The following SBF1 variants were observed in gnomAD, a reference collection of about 807,000 sequenced individuals.
SBF1 encodes the protein SET binding factor 1, also known as myotubularin-related protein 5.
SBF1 carries 65 observed loss-of-function variants against 215.8 expected under a neutral mutation model. That is an observed-to-expected ratio of 0.30 (90% confidence interval 0.25 to 0.37). The LOEUF (loss-of-function observed/expected upper bound fraction) is 0.37. Ranked by LOEUF, SBF1 falls within the 10% of genes least tolerant of loss-of-function variation. SBF1 has a pLI of 1.00. For synonymous variants in SBF1, 1,410 were observed against 1,122.8 expected (o/e 1.26, Z -5.11); for missense variants, 2,634 against 2,667.8 (o/e 0.99, Z 0.28).
intron 36 of SBF1, among the ~76,000 whole-genome samples, chr22:50,449,882 G>A (rs1429235542): frequency 4.6e-5 from 7 of 152,208 alleles, no homozygotes; most frequent in African/African-American, 1.2e-4. Context: ...AGGGGAAGCC[G>A]TTGTTTCCAG....
chr22:50,474,384 G>A (rs1465567451), intron 1 of SBF1, among the ~76,000 whole-genome samples: 4 of 152,228 alleles, frequency 2.6e-5, no homozygotes, highest in Non-Finnish European at 4.4e-5. Flanking sequence ...GGAGCCACTA[G>A]AGCCACAGCC....
At position 50,467,356 on chromosome 22, in the gene SBF1, G is replaced by A; in HGVS notation, c.531C>T (p.Pro177=). 2 of 1,614,086 alleles carry A rather than the reference G, an allele frequency of 1.2e-6. No individual in the cohort carries two copies. Among genetic ancestry groups the A allele is most frequent in the Non-Finnish European group, 1.7e-6 (2 of 1,179,984 alleles). ...AACTCACCTGCGAGCCCCCAGCCAG[G>A]GGCACAGTGCACGTCAGCAGGTTCC... The part of the protein sequence containing the change: ...VIGNLLTCTV[P]LAGGSQRTIS... Residue 177 remains proline (P), a synonymous_variant, in exon 5 of 41, where the codon CCC becomes CCT. Coordinates refer to ENST00000380817, the MANE Select transcript of SBF1 (RefSeq NM_002972.4).
chr22:50,459,768 A>G, intron 26 of SBF1, 102 bp from the exon 27 acceptor site: 1 of 1,370,574 alleles, frequency 7.3e-7, no homozygotes, highest in South Asian at 1.4e-5. Context: ...TCCCAGCAGG[A>G]GGCGCTTCCA....
Position 50,474,924 on chromosome 22 carries a change from C to T in SBF1, c.-84G>A. ...AGGACGGCGCGCTCATGGCCCGGCCCCGGCCCTGGACCGCGCACCCCGGAC... is the reference window on the plus strand; with the variant it reads ...AGGACGGCGCGCTCATGGCCCGGCCTCGGCCCTGGACCGCGCACCCCGGAC... On this transcript the variant is annotated 5_prime_UTR_variant, in exon 1 of 41. Transcript: ENST00000380817. The T allele has an allele frequency of 1.9e-6, 2 of 1,070,836 alleles. No homozygotes were observed. The highest frequency in any genetic ancestry group is 4.0e-5 in the South Asian group (2 of 49,966). 66.3% of individuals were successfully genotyped at this position (1,070,836 alleles called of 1,614,324 possible).
Position 50,448,276 on chromosome 22 carries a change from T to A in SBF1, c.5320A>T (p.Ser1774Cys). Residue 1774 changes from serine (S) to cysteine (C), a missense_variant, in exon 38 of 41, where the codon AGC becomes TGC. Coordinates refer to ENST00000380817, the MANE Select transcript of SBF1 (RefSeq NM_002972.4). ...GSRQAARRST[S>C]TLYSQFQTAE... ...GTCTGGAACTGGCTGTACAGGGTGC[T>A]GGTGCTGCGGCGGGCAGCCTGACGG... 1 of 1,613,208 alleles carries A rather than the reference T, an allele frequency of 6.2e-7. No individual in the cohort carries two copies. The highest frequency in any genetic ancestry group is 8.5e-7 in the Non-Finnish European group (1 of 1,179,976).
chr22:50,473,503 C>G (rs918094201), intron 1 of SBF1, among the ~76,000 whole-genome samples: 2 of 152,180 alleles, frequency 1.3e-5, no homozygotes, highest in African/African-American at 4.8e-5. Flanking sequence ...ATGCTCATGA[C>G]TGACGGTGCC....
At chr22:50,468,049 G>C (rs2067849195) in intron 2 of SBF1, 126 bp from the exon 3 acceptor site, 4 of 1,222,724 alleles carry the variant, frequency 3.3e-6, no homozygotes, top group Middle Eastern at 2.1e-4. Flanking sequence ...CTTGCTTGGA[G>C]ACCCTGGGGA....
intron 2 of SBF1, 40 bp downstream of exon 2, chr22:50,468,323 GCCCACCTGCCCTC>G (rs2067865222): frequency 3.3e-6 from 5 of 1,515,338 alleles, no homozygotes; most frequent in South Asian, 1.1e-5. Context: ...GCAGGGCTGT[GCCCACCTGCCCTC>G]CCCACCTGCC....
At chr22:50,465,924 GC>G in intron 9 of SBF1, 36 bp downstream of exon 9, 1 of 1,609,710 alleles carries the variant, frequency 6.2e-7, no homozygotes, top group South Asian at 1.1e-5. Flanking sequence ...CATCCCAAAG[GC>G]CCCCAAGGCT....
At chr22:50,453,586 G>C (rs570448582) in intron 36 of SBF1, among the ~76,000 whole-genome samples, 39 of 152,166 alleles carry the variant, frequency 2.6e-4, no homozygotes, top group Non-Finnish European at 5.1e-4. Context: ...AGGAGATCGA[G>C]ACCATCCTGG....
At chr22:50,465,555 C>A (rs1248422332) in intron 10 of SBF1, among the ~76,000 whole-genome samples, 2 of 152,252 alleles carry the variant, frequency 1.3e-5, no homozygotes, top group African/African-American at 2.4e-5. Flanking sequence ...CAAGTTCCAG[C>A]CCCTTGCTGG....
rs368027327 is a variant in SBF1 at position 50,466,417 on chromosome 22, G to C, written c.721C>G (p.Arg241Gly). The C allele has an allele frequency of 6.4e-7, 1 of 1,552,896 alleles. No homozygotes were observed. The highest frequency in any genetic ancestry group is 2.4e-5 in the East Asian group (1 of 41,000). The change falls in exon 7 of 41, where the codon CGG becomes GGG. Residue 241 changes from arginine (R) to glycine (G), a missense_variant. Physicochemically the swap from Arg to Gly is moderately radical, Grantham distance 125 (BLOSUM62 -2). Coordinates refer to ENST00000380817, the MANE Select transcript of SBF1 (RefSeq NM_002972.4). ...GCATCGGCGAGCCGCTGGTAGCTCC[G>C]GGACAGGAAGAGAACCTTGTGCTCC... ...LTEHKVLFLSRSYQRLADACR... is the reference protein window; with the variant it reads ...LTEHKVLFLSGSYQRLADACR...
At chr22:50,466,929 G>A in intron 5 of SBF1, 1 of 565,188 alleles carries the variant, frequency 1.8e-6, no homozygotes, top group Non-Finnish European at 3.1e-6. Context: ...CTTTTGACTT[G>A]GGGGTAGGGA....
Position 50,461,793 on chromosome 22 carries a change from A to G in SBF1, c.2643+3T>C. On this transcript the variant is annotated splice_donor_region_variant and intron_variant, in intron 21 of 40. Transcript: ENST00000380817. ...CCCCGCAGCCCCAACGGCCCCCGCAAACCTTCTGGATGGGCGGCAGCCTCC... is the reference window on the plus strand; with the variant it reads ...CCCCGCAGCCCCAACGGCCCCCGCAGACCTTCTGGATGGGCGGCAGCCTCC... The G allele has an allele frequency of 1.2e-6, 2 of 1,613,144 alleles. No individual in the cohort carries two copies. Among genetic ancestry groups the G allele is most frequent in the Non-Finnish European group, 1.7e-6 (2 of 1,179,882 alleles).
At chr22:50,455,840 G>C (rs1045067121) in intron 31 of SBF1, 47 of 569,784 alleles carry the variant, frequency 8.2e-5, no homozygotes, top group Non-Finnish European at 1.2e-4. Context: ...CCCTCAAGAT[G>C]CCGGTGGCCC....
Position 50,465,082 on chromosome 22 carries a change from C to T in SBF1, c.1251G>A (p.Met417Ile), listed in dbSNP as rs968331085. 1 of 1,614,102 alleles carries T rather than the reference C, an allele frequency of 6.2e-7. No homozygotes were observed. The highest frequency in any genetic ancestry group is 8.5e-7 in the Non-Finnish European group (1 of 1,180,000). ...CAAAGGCCATGCCCTCCAGCACCTT[C>T]ATCAGGAAATCGTCCTCTACCAGCC... is the stretch of plus-strand genomic sequence containing the variant. Reference protein sequence around the residue: ...QRGLVEDDFLMKVLEGMAFAG... With the variant: ...QRGLVEDDFLIKVLEGMAFAG... The change falls in exon 12 of 41, where the codon ATG (methionine) becomes ATA (isoleucine). Residue 417 changes from methionine to isoleucine, a missense_variant. By Grantham distance (10) the Met-to-Ile change is conservative. Coordinates refer to ENST00000380817, the MANE Select transcript of SBF1 (RefSeq NM_002972.4).
In SBF1 at chr22:50,464,378, C is replaced by T. The variant is rs2067656039; in HGVS notation, c.1700G>A (p.Arg567His). Residue 567 changes from arginine (R) to histidine (H), a missense_variant, in exon 15 of 41, where the codon CGC becomes CAC. Arg to His is a conservative substitution (Grantham distance 29). Coordinates refer to ENST00000380817, the MANE Select transcript of SBF1 (RefSeq NM_002972.4). Reference sequence around the variant, plus strand: ...CTCAAACACGTAGGAGATGCAGTTGCGCACAACCTCCAGCCGCCGGGCGCT... The same window carrying T: ...CTCAAACACGTAGGAGATGCAGTTGTGCACAACCTCCAGCCGCCGGGCGCT... ...VNSARRLEVV[R>H]NCISYVFEGK... is the part of the protein sequence containing the mutation. The T allele has an allele frequency of 1.9e-6, 3 of 1,614,120 alleles. No homozygotes were observed. The highest frequency in any genetic ancestry group is 1.7e-6 in the Non-Finnish European group (2 of 1,180,026).
chr22:50,463,138 T>C (rs1282271417), intron 16 of SBF1, 145 bp downstream of exon 16: 4 of 1,205,520 alleles, frequency 3.3e-6, no homozygotes, highest in South Asian at 1.4e-5. Flanking sequence ...CTCTCCACCC[T>C]GTTCCCTGCA....
Position 50,465,138 on chromosome 22 carries a change from C to G in SBF1, c.1204-9G>C, listed in dbSNP as rs1569513464. 10 of 1,614,024 alleles carry G rather than the reference C, an allele frequency of 6.2e-6. No individual in the cohort carries two copies. Among genetic ancestry groups the G allele is most frequent in the Non-Finnish European group, 2.5e-6 (3 of 1,179,988 alleles). ...TGGCCCAGGAAGGCTGCCTGGATGACAGAAGGAGGTCGGTCCCTCAGGGGT... is the reference window on the plus strand; with the variant it reads ...TGGCCCAGGAAGGCTGCCTGGATGAGAGAAGGAGGTCGGTCCCTCAGGGGT... On this transcript the variant is annotated splice_polypyrimidine_tract_variant and intron_variant, in intron 11 of 40. Transcript: ENST00000380817.
Sources: allele counts gnomAD v4.1 joint callset (sites outside exome capture counted in the v4.1 genomes callset), GRCh38; gene constraint gnomAD v4.1.1; transcripts MANE v1.5; gene names NCBI Gene and HGNC (gene_info 2026-07-23, HGNC 2026-07-21).